Variants in CRYBG3 observed in about 807,000 individuals in gnomAD.
CRYBG3 encodes the protein crystallin beta-gamma domain containing 3.
In CRYBG3, 127 loss-of-function variants were observed where a neutral mutation model predicts 244.2. That is an observed-to-expected ratio of 0.52 (90% confidence interval 0.45 to 0.60). The LOEUF is 0.60. Ranked by LOEUF, CRYBG3 falls within the 20% of genes least tolerant of loss-of-function variation. The pLI, the probability that CRYBG3 is intolerant of heterozygous loss-of-function variation, is 0.00. For missense variants in CRYBG3, 3,325 were observed against 3,442.5 expected (o/e 0.97, Z 0.85); for synonymous variants, 1,132 against 1,195.8 (o/e 0.95, Z 1.10).
At position 97,876,779 on chromosome 3, in the gene CRYBG3, T is replaced by C; in HGVS notation, c.5585T>C (p.Val1862Ala). The change falls in exon 4 of 22, where the codon GTG becomes GCG. Residue 1862 changes from valine to alanine, a missense_variant. This residue lies in a region of CRYBG3 where 635 missense variants were observed against 771.7 expected (regional missense o/e 0.82). Coordinates refer to ENST00000389622, the MANE Select transcript of CRYBG3 (RefSeq NM_153605.4). ...DRGENIGKHK[V>A]LPAVVDIEKI... ...GGTGAGAATATTGGGAAACACAAAG[T>C]GTTACCCGCAGTGGTAGACATTGAG... The C allele has an allele frequency of 7.9e-7, 1 of 1,273,006 alleles. No individual in the cohort carries two copies. 78.9% of individuals were successfully genotyped at this position (1,273,006 alleles called of 1,614,324 possible).
intron 1 of CRYBG3, among the ~76,000 whole-genome samples, chr3:97,836,000 C>T (rs900736958): frequency 1.3e-5 from 2 of 152,162 alleles, no homozygotes; most frequent in Middle Eastern, 3.4e-3. Flanking sequence ...CTGTAGACAG[C>T]TCAGGCACAC....
chr3:97,864,651 A>G lies in CRYBG3; in HGVS notation c.647+4A>G. ...AAGAAACCACTAATTTGCTAAAGTA[A>G]GTTTAAAATTTCATTGAACCAAAAA... On this transcript the variant is annotated splice_donor_region_variant and intron_variant, in intron 3 of 21. Coordinates refer to ENST00000389622, the MANE Select transcript of CRYBG3 (RefSeq NM_153605.4). 2 of 1,499,232 alleles carry G rather than the reference A, an allele frequency of 1.3e-6. No individual in the cohort carries two copies. Among genetic ancestry groups the G allele is most frequent in the Non-Finnish European group, 1.8e-6 (2 of 1,131,368 alleles). The allele number at this position is 1,499,232 out of a possible 1,614,324, so 92.9% of individuals were successfully genotyped here.
Position 97,872,061 on chromosome 3 carries a change from C to T in CRYBG3, c.867C>T (p.Asp289=). 1 of 1,535,646 alleles carries T rather than the reference C, an allele frequency of 6.5e-7. No individual in the cohort carries two copies. Among genetic ancestry groups the T allele is most frequent in the Non-Finnish European group, 8.7e-7 (1 of 1,146,626 alleles). ...VLPLLLSAST[D]SSMKGNLLEG... Reference sequence around the variant, plus strand: ...CACTGTTGTTATCAGCTAGTACAGACTCATCTATGAAAGGAAATCTACTTG... The same window carrying T: ...CACTGTTGTTATCAGCTAGTACAGATTCATCTATGAAAGGAAATCTACTTG... Residue 289 remains aspartate, a synonymous_variant, in exon 4 of 22, where the codon GAC becomes GAT. Coordinates refer to ENST00000389622, the MANE Select transcript of CRYBG3 (RefSeq NM_153605.4).
chr3:97,917,438 C>T (rs831875), intron 17 of CRYBG3, among the ~76,000 whole-genome samples: 87 of 152,158 alleles, frequency 5.7e-4, no homozygotes, highest in African/African-American at 2.0e-3. Flanking sequence ...TGTTAGTTAT[C>T]TTAATGCCAT....
intron 17 of CRYBG3, among the ~76,000 whole-genome samples, chr3:97,926,560 A>T (rs1181658121): frequency 6.6e-6 from 1 of 151,918 alleles, no homozygotes; most frequent in African/African-American, 2.4e-5. Flanking sequence ...GCACTGGAAG[A>T]CCTAGCCAGA....
chr3:97,893,988 A>G (rs988566709), intron 11 of CRYBG3, among the ~76,000 whole-genome samples: 1 of 152,208 alleles, frequency 6.6e-6, no homozygotes, highest in Non-Finnish European at 1.5e-5. Flanking sequence ...TATTAGTCTG[A>G]CATATTAATC....
intron 3 of CRYBG3, among the ~76,000 whole-genome samples, chr3:97,869,564 T>C (rs748921174): frequency 5.9e-5 from 9 of 152,136 alleles, no homozygotes; most frequent in Non-Finnish European, 7.4e-5. Flanking sequence ...GGGCTCTGTC[T>C]TCATAAGGAT....
chr3:97,939,774 G>A (rs2040205173), intron 19 of CRYBG3, among the ~76,000 whole-genome samples: 1 of 152,068 alleles, frequency 6.6e-6, no homozygotes, highest in Non-Finnish European at 1.5e-5. Flanking sequence ...CTGTTGCATT[G>A]TTAATGTTGG....
At chr3:97,915,097 A>G (rs534068736) in intron 16 of CRYBG3, among the ~76,000 whole-genome samples, 56 of 152,314 alleles carry the variant, frequency 3.7e-4, no homozygotes, top group Admixed American at 7.8e-4. Context: ...TCTGTCTTCT[A>G]TACTCATCTA....
At chr3:97,884,918 T>G (rs2039490286) in intron 7 of CRYBG3, among the ~76,000 whole-genome samples, 1 of 152,168 alleles carries the variant, frequency 6.6e-6, no homozygotes, top group Admixed American at 6.6e-5. Flanking sequence ...CCTTTTAGAG[T>G]ACACCACCCA....
intron 7 of CRYBG3, among the ~76,000 whole-genome samples, chr3:97,884,533 A>G (rs946747697): frequency 1.3e-5 from 2 of 152,162 alleles, no homozygotes; most frequent in African/African-American, 4.8e-5. Context: ...TAAGTTTGCA[A>G]ATTTCACTAA....
At chr3:97,914,286 C>T (rs2039903760) in intron 16 of CRYBG3, among the ~76,000 whole-genome samples, 1 of 152,104 alleles carries the variant, frequency 6.6e-6, no homozygotes, top group African/African-American at 2.4e-5. Context: ...CAGCAAGGAC[C>T]TGAAATAATT....
At chr3:97,828,226 C>T (rs2038603826) in intron 1 of CRYBG3, among the ~76,000 whole-genome samples, 1 of 152,122 alleles carries the variant, frequency 6.6e-6, no homozygotes, top group South Asian at 2.1e-4. Context: ...TGATACACCA[C>T]TTTGGAGAGA....
intron 15 of CRYBG3, among the ~76,000 whole-genome samples, chr3:97,907,642 TC>T (rs1443872957): frequency 6.7e-6 from 1 of 149,006 alleles, no homozygotes; most frequent in African/African-American, 2.5e-5. Context: ...TCTCTTTTTT[TC>T]TTTATTAGTC....
intron 19 of CRYBG3, among the ~76,000 whole-genome samples, chr3:97,939,371 T>G (rs1050327744): frequency 2.0e-5 from 3 of 152,026 alleles, no homozygotes; most frequent in Non-Finnish European, 4.4e-5. Flanking sequence ...AATAGTAGTT[T>G]GTGGGTCACA....
chr3:97,832,889 C>G (rs1312740128), intron 1 of CRYBG3, among the ~76,000 whole-genome samples: 2 of 151,960 alleles, frequency 1.3e-5, no homozygotes, highest in Admixed American at 6.6e-5. Context: ...ACAACCCCAT[C>G]AAAAAGTGCA....
In CRYBG3 at chr3:97,872,563, A is replaced by G; in HGVS notation, c.1369A>G (p.Ser457Gly). Residue 457 changes from serine to glycine, a missense_variant, in exon 4 of 22, where the codon AGT becomes GGT. Ser to Gly is a moderately conservative substitution (Grantham distance 56, BLOSUM62 0). Transcript: ENST00000389622. ...TGAGCAGGAAAGTACAAATTTGCCA[A>G]GTCCAAATAAATCAATTAGGCATGA... ...TTEQESTNLP[S>G]PNKSIRHEHL... is the part of the protein sequence containing the mutation. The G allele has an allele frequency of 1.3e-6, 2 of 1,535,984 alleles. No homozygotes were observed. The highest frequency in any genetic ancestry group is 1.7e-6 in the Non-Finnish European group (2 of 1,146,822).
At chr3:97,841,640 C>G (rs1295659642) in intron 1 of CRYBG3, among the ~76,000 whole-genome samples, 1 of 152,084 alleles carries the variant, frequency 6.6e-6, no homozygotes, top group Non-Finnish European at 1.5e-5. Flanking sequence ...TTGATCAGAG[C>G]TATTGATACT....
intron 1 of CRYBG3, among the ~76,000 whole-genome samples, chr3:97,830,532 T>A (rs767240429): frequency 1.3e-5 from 2 of 152,180 alleles, no homozygotes; most frequent in Non-Finnish European, 2.9e-5. Flanking sequence ...GTTAGATATT[T>A]TTTTTGTCTT....
Sources: gnomAD v4.1 joint callset for allele counts (sites outside exome capture counted in the v4.1 genomes callset) on GRCh38, gnomAD v4.1.1 for gene constraint, gnomAD v4.1.1 regional missense constraint, MANE v1.5 for transcripts, NCBI Gene and HGNC (gene_info 2026-07-23, HGNC 2026-07-21) for gene names.